Variants in PPP2R2C observed in about 807,000 individuals in gnomAD.
The protein encoded by PPP2R2C is protein phosphatase 2 regulatory subunit Bgamma, also known as protein phosphatase 2, regulatory subunit B, gamma.
Under a neutral mutation model 45.3 loss-of-function variants are expected in PPP2R2C, and 10 were observed. The ratio of observed to expected loss-of-function variants is 0.22; its 90% CI spans 0.14 to 0.37. The LOEUF is 0.37. PPP2R2C is among the 10% of genes least tolerant of loss of function. The pLI, the probability that PPP2R2C is intolerant of heterozygous loss-of-function variation, is 1.00. For synonymous variants in PPP2R2C, 257 were observed against 245.4 expected (o/e 1.05, Z -0.44); for missense variants, 308 against 619.7 (o/e 0.50, Z 5.34).
intron 1 of PPP2R2C, among the ~76,000 whole-genome samples, chr4:6,553,355 C>T (rs759677371): frequency 1.3e-5 from 2 of 152,238 alleles, no homozygotes; most frequent in Non-Finnish European, 2.9e-5. Context: ...AATAGATCTA[C>T]GGGTCAAGTG....
intron 5 of PPP2R2C, among the ~76,000 whole-genome samples, chr4:6,354,918 C>T (rs1238803010): frequency 6.6e-6 from 1 of 152,144 alleles, no homozygotes; most frequent in African/African-American, 2.4e-5. Flanking sequence ...TGGGCACATT[C>T]CCACTGCAGG....
intron 1 of PPP2R2C, among the ~76,000 whole-genome samples, chr4:6,393,318 G>A (rs960054613): frequency 2.6e-5 from 4 of 152,096 alleles, no homozygotes; most frequent in African/African-American, 9.7e-5. Context: ...TGGATATTTT[G>A]CATAAATAGA....
At chr4:6,481,941 T>C (rs1438875720) in intron 2 of PPP2R2C, among the ~76,000 whole-genome samples, 3 of 122,522 alleles carry the variant, frequency 2.4e-5, no homozygotes, top group Non-Finnish European at 4.7e-5. Context: ...ATCGCACCAC[T>C]GCACTCCAGC....
At position 6,478,256 on chromosome 4, in the gene PPP2R2C, G is replaced by A. The variant is rs540134511; in HGVS notation, c.49+57015C>T. Among the ~76,000 whole-genome samples, 6 of 152,340 alleles carry A rather than the reference G, an allele frequency of 3.9e-5. No individual in the cohort carries two copies. The South Asian group carries it at 1.2e-3, about 32-fold the overall frequency. ...AATGGCCACAGGGGAGGTCATTAGT[G>A]CTGACCACACACATCCTGCTTCTCG... On this transcript the variant is annotated intron_variant, in intron 2 of 9. Coordinates refer to the PPP2R2C transcript ENST00000506140.
chr4:6,344,854 G>A (rs759721900), intron 6 of PPP2R2C, among the ~76,000 whole-genome samples: 10 of 151,854 alleles, frequency 6.6e-5, no homozygotes, highest in African/African-American at 1.2e-4. Flanking sequence ...TGACATGACC[G>A]AACAATATTC....
intron 1 of PPP2R2C, among the ~76,000 whole-genome samples, chr4:6,425,295 A>T (rs1377381957): frequency 6.6e-6 from 1 of 152,162 alleles, no homozygotes; most frequent in Non-Finnish European, 1.5e-5. Context: ...TGTGAGCATC[A>T]TTAAGAGCCC....
intron 1 of PPP2R2C, chr4:6,383,799 G>T: frequency 9.8e-7 from 1 of 1,015,602 alleles, no homozygotes. Flanking sequence ...TTCAAATGGT[G>T]CCTGTATGCA....
chr4:6,528,209 C>T (rs1362123830), intron 2 of PPP2R2C, among the ~76,000 whole-genome samples: 2 of 152,260 alleles, frequency 1.3e-5, no homozygotes, highest in Non-Finnish European at 2.9e-5. Flanking sequence ...TCTTCCTCTT[C>T]CCGGCCTGCA....
chr4:6,533,586 C>T (rs28548874), intron 2 of PPP2R2C, among the ~76,000 whole-genome samples: 90,851 of 152,062 alleles, frequency 0.6, 27,651 homozygotes, highest in Middle Eastern at 0.67. Context: ...ATGCCTATGA[C>T]GCACAGCTGC....
rs185809892 is a variant in PPP2R2C at position 6,447,837 on chromosome 4, C to T, written c.70+24323G>A. On this transcript the variant is annotated intron_variant, in intron 1 of 8. Coordinates refer to ENST00000382599, the MANE Select transcript of PPP2R2C (RefSeq NM_020416.4). ...TCAGCTACGGCTGGAGTAACAGCAG[C>T]GCAAGCACATCCCTGCGGGAACCAC... Among the ~76,000 whole-genome samples the T allele has an allele frequency of 4.5e-4, 69 of 152,288 alleles. 2 individuals are homozygous for T. Among genetic ancestry groups the T allele is most frequent in the South Asian group, 2.1e-4 (1 of 4,816 alleles).
chr4:6,390,992 T>C (rs1252600974), intron 1 of PPP2R2C, among the ~76,000 whole-genome samples: 1 of 151,282 alleles, frequency 6.6e-6, no homozygotes, highest in Admixed American at 6.6e-5. Flanking sequence ...GTGGGGAGAG[T>C]GGGGACAGTG....
Position 6,328,257 on chromosome 4 carries a change from G to A in PPP2R2C, c.1052+1005C>T, listed in dbSNP as rs1324770905. ...GGTGACAGTACATGGGCTCCTGACA[G>A]GTGGTATTCTGATCTAGCAGCCAGT... is the stretch of plus-strand genomic sequence containing the variant. On this transcript the variant is annotated intron_variant, in intron 8 of 8. Coordinates refer to ENST00000382599, the MANE Select transcript of PPP2R2C (RefSeq NM_020416.4). This position sits in a 1 kb window ranked among gnomAD's most constrained non-coding sequence, Gnocchi z 4.4. Among the ~76,000 whole-genome samples, 1 of 152,214 alleles carries A rather than the reference G, an allele frequency of 6.6e-6. No homozygotes were observed. Among genetic ancestry groups the A allele is most frequent in the Non-Finnish European group, 1.5e-5 (1 of 68,034 alleles).
intron 1 of PPP2R2C, chr4:6,383,206 G>A (rs967111163): frequency 2.3e-5 from 27 of 1,191,214 alleles, no homozygotes; most frequent in African/African-American, 6.4e-5. Context: ...TGGCCCCTGA[G>A]GGGGAGGAGG....
chr4:6,408,187 T>C (rs1259358648), intron 1 of PPP2R2C, among the ~76,000 whole-genome samples: 1 of 152,214 alleles, frequency 6.6e-6, no homozygotes, highest in Non-Finnish European at 1.5e-5. Context: ...GTATGTGCTC[T>C]TGGGTTTGTT....
Position 6,329,630 on chromosome 4 carries a change from C to T in PPP2R2C, c.961-277G>A, listed in dbSNP as rs376543247. On this transcript the variant is annotated intron_variant, in intron 7 of 8. Coordinates refer to ENST00000382599, the MANE Select transcript of PPP2R2C (RefSeq NM_020416.4). The surrounding 1 kb of genome is among the most constrained non-coding windows in gnomAD (Gnocchi z 5.8). Reference sequence around the variant, plus strand: ...ATCGGGGGGCCCACGACCAGGCACACGGCTGACCTCCACCGTGACACAGCC... The same window carrying T: ...ATCGGGGGGCCCACGACCAGGCACATGGCTGACCTCCACCGTGACACAGCC... Among the ~76,000 whole-genome samples, 8 of 132,326 alleles carry T rather than the reference C, an allele frequency of 6.0e-5. No homozygotes were observed. Among genetic ancestry groups the T allele is most frequent in the East Asian group, 2.0e-4 (1 of 5,112 alleles). The allele number at this position is 132,326 out of a possible 152,430, so 86.8% of individuals were successfully genotyped here.
intron 5 of PPP2R2C, among the ~76,000 whole-genome samples, chr4:6,367,441 C>T (rs11731070): frequency 0.84 from 127,265 of 151,932 alleles, 54,879 homozygotes; most frequent in East Asian, 1. Flanking sequence ...TGGCTCTGCG[C>T]GGACACAGGC....
chr4:6,423,133 T>C lies in PPP2R2C; in HGVS notation c.71-42039A>G, dbSNP rs186643062. Among the ~76,000 whole-genome samples the C allele has an allele frequency of 2.0e-5, 3 of 152,334 alleles. No individual in the cohort carries two copies. In the East Asian group the frequency reaches 5.8e-4, roughly 29 times the overall value. ...CACTGTTTCATTCCTTCAACAAATA[T>C]TCATGCAGACCTACTGTGTGTCAGG... On this transcript the variant is annotated intron_variant, in intron 1 of 8. Coordinates refer to ENST00000382599, the MANE Select transcript of PPP2R2C (RefSeq NM_020416.4).
At chr4:6,468,021 C>T (rs1208134614) in intron 1 of PPP2R2C, among the ~76,000 whole-genome samples, 2 of 152,196 alleles carry the variant, frequency 1.3e-5, no homozygotes, top group Non-Finnish European at 2.9e-5. Context: ...ATGAGATCAT[C>T]CTTGCACTGA....
intron 6 of PPP2R2C, among the ~76,000 whole-genome samples, chr4:6,337,203 G>A (rs1733049138): frequency 7.7e-6 from 1 of 130,436 alleles, no homozygotes; most frequent in African/African-American, 2.9e-5. Flanking sequence ...ATCAACCACA[G>A]TTCCCTTTTC....
Sources: gnomAD v4.1 joint callset for allele counts (sites outside exome capture counted in the v4.1 genomes callset) on GRCh38, gnomAD v4.1.1 for gene constraint, Gnocchi (gnomAD v3.1) non-coding constraint, MANE v1.5 for transcripts, NCBI Gene and HGNC (gene_info 2026-07-23, HGNC 2026-07-21) for gene names.